The following TIAM2 variants were observed in gnomAD, a reference collection of about 807,000 sequenced individuals.
TIAM2 encodes the protein rho guanine nucleotide exchange factor TIAM2.
In TIAM2, 80 loss-of-function variants were observed where a neutral mutation model predicts 152.9. That is an observed-to-expected ratio of 0.52 (90% CI 0.44 to 0.63). The LOEUF is 0.63. Ranked by LOEUF, TIAM2 falls within the 30% of genes least tolerant of loss-of-function variation. TIAM2 has a pLI of 0.00. For missense variants in TIAM2, 1,965 were observed against 2,120.1 expected (o/e 0.93, Z 1.44); for synonymous variants, 804 against 838.0 (o/e 0.96, Z 0.70).
intron 1 of TIAM2, among the ~76,000 whole-genome samples, chr6:155,047,716 A>G (rs1422499673): frequency 1.5e-5 from 2 of 136,550 alleles, no homozygotes; most frequent in African/African-American, 2.7e-5. Context: ...CGAGAGAGAG[A>G]GAGAGAGAGC....
At chr6:155,043,692 T>G (rs2114910194) in intron 1 of TIAM2, among the ~76,000 whole-genome samples, 2 of 149,658 alleles carry the variant, frequency 1.3e-5, no homozygotes, top group East Asian at 2.0e-4. Context: ...CCCTGCAGTG[T>G]TTTAGGAGCC....
rs867883769 is a variant in TIAM2 at position 155,015,362 on chromosome 6, C to T, written c.-209+19870C>T. Among the ~76,000 whole-genome samples the T allele has an allele frequency of 1.1e-4, 16 of 152,124 alleles. No individual in the cohort carries two copies. The South Asian group carries it at 2.1e-3, about 20-fold the overall frequency. ...TCAGCAGGCTCTATGGGAAGTGCCTCGTGAGCAGTTAGAAATCTGGAGCTC... is the reference window on the plus strand; with the variant it reads ...TCAGCAGGCTCTATGGGAAGTGCCTTGTGAGCAGTTAGAAATCTGGAGCTC... On this transcript the variant is annotated intron_variant, in intron 1 of 26. Transcript: ENST00000682666.
intron 15 of TIAM2, among the ~76,000 whole-genome samples, chr6:155,211,898 A>T (rs1781732143): frequency 6.6e-6 from 1 of 152,052 alleles, no homozygotes; most frequent in African/African-American, 2.4e-5. Flanking sequence ...CAACTCCCTC[A>T]TAACTTCTAT....
At chr6:155,116,227 GT>G (rs201605624) in intron 2 of TIAM2, among the ~76,000 whole-genome samples, 7 of 151,906 alleles carry the variant, frequency 4.6e-5, no homozygotes, top group Non-Finnish European at 7.4e-5. Context: ...TATATATGTT[GT>G]TTTTTTTCCT....
chr6:155,192,178 T>C (rs113613702), intron 14 of TIAM2, among the ~76,000 whole-genome samples: 60 of 152,152 alleles, frequency 3.9e-4, no homozygotes, highest in African/African-American at 1.4e-3. Context: ...GGAAAAGGGA[T>C]GGAAAGAGTC....
At chr6:155,080,941 G>A (rs1481068999) in intron 1 of TIAM2, among the ~76,000 whole-genome samples, 1 of 152,162 alleles carries the variant, frequency 6.6e-6, no homozygotes, top group East Asian at 1.9e-4. Flanking sequence ...CCTGGGATGA[G>A]CTCGATTCTT....
At chr6:155,031,496 G>T (rs1375599730) in intron 1 of TIAM2, among the ~76,000 whole-genome samples, 1 of 152,188 alleles carries the variant, frequency 6.6e-6, no homozygotes. Context: ...GCCAAGGTGG[G>T]CAGATTACTT....
chr6:155,080,670 T>C (rs1778043476), intron 1 of TIAM2, among the ~76,000 whole-genome samples: 1 of 152,068 alleles, frequency 6.6e-6, no homozygotes, highest in Admixed American at 6.5e-5. Context: ...CCTGACCTCA[T>C]GATCCGCCCA....
At chr6:155,161,660 G>A (rs1257161157) in intron 7 of TIAM2, among the ~76,000 whole-genome samples, 1 of 149,742 alleles carries the variant, frequency 6.7e-6, no homozygotes, top group Non-Finnish European at 1.5e-5. Context: ...CTCCACCTCC[G>A]GGGTTCAAGC....
chr6:155,075,412 A>G (rs753764309), intron 1 of TIAM2, among the ~76,000 whole-genome samples: 2 of 150,080 alleles, frequency 1.3e-5, no homozygotes, highest in Non-Finnish European at 3.0e-5. Flanking sequence ...TTTTTATTTT[A>G]CTTTTCTTAA....
At chr6:155,082,645 C>A (rs1778089585) in intron 1 of TIAM2, among the ~76,000 whole-genome samples, 1 of 127,460 alleles carries the variant, frequency 7.8e-6, no homozygotes, top group Non-Finnish European at 1.7e-5. Flanking sequence ...AGTAAAACTC[C>A]ATCTCAACCC....
At chr6:155,221,592 G>A (rs1782048171) in intron 15 of TIAM2, among the ~76,000 whole-genome samples, 1 of 152,188 alleles carries the variant, frequency 6.6e-6, no homozygotes, top group Non-Finnish European at 1.5e-5. Context: ...AGAAAGCCAA[G>A]TTCAAGGAGT....
rs777652665 is a variant in TIAM2 at position 155,247,937 on chromosome 6, G to C, written c.3653-63G>C. 5.9e-6 allele frequency: 9 copies of C among 1,535,416 alleles called. No individual in the cohort carries two copies. In the South Asian group the frequency reaches 1.1e-4, roughly 19 times the overall value. On this transcript the variant is annotated intron_variant, in intron 19 of 26. Transcript: ENST00000682666. ...TAGATGATCTATAAATGTTAAAAGA[G>C]AAATGAAGAATTTAATTCACCCCAC...
intron 1 of TIAM2, among the ~76,000 whole-genome samples, chr6:155,042,485 CG>C (rs990262923): frequency 2.0e-5 from 3 of 152,072 alleles, no homozygotes; most frequent in African/African-American, 7.2e-5. Context: ...CCAGCTTACT[CG>C]GGAGGCTGAG....
At chr6:155,065,729 A>G (rs1777679052) in intron 1 of TIAM2, among the ~76,000 whole-genome samples, 1 of 152,162 alleles carries the variant, frequency 6.6e-6, no homozygotes, top group Admixed American at 6.6e-5. Context: ...AGAGTGCGCC[A>G]CTGCACTCCA....
At chr6:155,143,966 C>A (rs1194460914) in intron 5 of TIAM2, among the ~76,000 whole-genome samples, 1 of 152,094 alleles carries the variant, frequency 6.6e-6, no homozygotes, top group Non-Finnish European at 1.5e-5. Context: ...GGTTAAATAT[C>A]CCCACAGGTA....
At chr6:155,037,636 C>A (rs1320968111) in intron 1 of TIAM2, among the ~76,000 whole-genome samples, 1 of 152,150 alleles carries the variant, frequency 6.6e-6, no homozygotes, top group Non-Finnish European at 1.5e-5. Flanking sequence ...TCAGGCAGTT[C>A]TCCTGCCTCA....
intron 1 of TIAM2, among the ~76,000 whole-genome samples, chr6:155,010,412 G>A (rs528152168): frequency 8.5e-5 from 13 of 152,148 alleles, no homozygotes; most frequent in African/African-American, 2.6e-4. Context: ...GTGTGCAGCT[G>A]GTATGTGTAA....
chr6:155,175,515 G>A (rs547198060), intron 9 of TIAM2, among the ~76,000 whole-genome samples: 1 of 152,142 alleles, frequency 6.6e-6, no homozygotes, highest in Admixed American at 6.5e-5. Flanking sequence ...GACCTCTTTT[G>A]CTCACAAAAA....
Sources: allele counts gnomAD v4.1 joint callset (sites outside exome capture counted in the v4.1 genomes callset), GRCh38; gene constraint gnomAD v4.1.1; transcripts MANE v1.5; gene names NCBI Gene and HGNC (gene_info 2026-07-23, HGNC 2026-07-21).